NAV3: variants seen among roughly 807,000 people sequenced by gnomAD.
NAV3 encodes neuron navigator 3.
In NAV3, 87 loss-of-function variants were observed where a neutral mutation model predicts 244.7. The observed-to-expected ratio is 0.36, with a 90% confidence interval of 0.30 to 0.42. The LOEUF (loss-of-function observed/expected upper bound fraction) is 0.42. Among genes scored for constraint, NAV3 ranks in the 20% least tolerant of loss-of-function variants. The probability of loss-of-function intolerance (pLI) is 1.00; values close to 1 mark genes in which losing one functional copy is unlikely to be tolerated. For synonymous variants in NAV3, 1,126 were observed against 1,042.2 expected, an observed-to-expected ratio of 1.08 and a Z score of -1.55; for missense variants, 2,663 against 2,893.3, an observed-to-expected ratio of 0.92 and a Z score of 1.83.
intron 1 of NAV3, among the ~76,000 whole-genome samples, chr12:77,904,397 A>G (rs1885707988): frequency 6.6e-6 from 1 of 152,276 alleles, no homozygotes; most frequent in South Asian, 2.1e-4. Context: ...CGCAAGGACA[A>G]AAAACCAAAC....
intron 2 of NAV3, 84 bp from the exon 3 acceptor site, chr12:77,940,997 T>G: frequency 1.1e-6 from 1 of 876,606 alleles, no homozygotes; most frequent in Admixed American, 2.4e-5. Flanking sequence ...ATTTTTTTTT[T>G]CCTGTTTTCG....
intron 8 of NAV3, among the ~76,000 whole-genome samples, chr12:78,015,494 AT>A (rs34665457): frequency 2.6e-5 from 4 of 151,640 alleles, no homozygotes; most frequent in East Asian, 1.9e-4. Flanking sequence ...TATTAAATGT[AT>A]TTTTTTTGTC....
At chr12:77,665,105 T>C (rs1485486532) in intron 2 of NAV3, among the ~76,000 whole-genome samples, 1 of 152,196 alleles carries the variant, frequency 6.6e-6, no homozygotes, top group South Asian at 2.1e-4. Context: ...AGAGTTGTAA[T>C]TTATATCAAC....
At chr12:78,010,377 T>G (rs1875056594) in intron 8 of NAV3, among the ~76,000 whole-genome samples, 1 of 152,212 alleles carries the variant, frequency 6.6e-6, no homozygotes, top group South Asian at 2.1e-4. Context: ...ATAATTTACT[T>G]TTTGATGTTG....
chr12:77,925,680 A>T (rs896645687), intron 1 of NAV3, among the ~76,000 whole-genome samples: 2 of 152,090 alleles, frequency 1.3e-5, no homozygotes, highest in Non-Finnish European at 2.9e-5. Flanking sequence ...CTGTTAGCCG[A>T]TGGTCTTGCA....
intron 7 of NAV3, among the ~76,000 whole-genome samples, chr12:78,001,355 T>G (rs542907952): frequency 1.3e-5 from 2 of 152,360 alleles, no homozygotes; most frequent in East Asian, 3.9e-4. Context: ...GTTCCTCGAA[T>G]GCTTTTAAGT....
chr12:78,117,929 T>C (rs557958786), intron 13 of NAV3, 98 bp from the exon 14 acceptor site: 7 of 1,171,176 alleles, frequency 6.0e-6, no homozygotes, highest in Admixed American at 2.7e-5. Context: ...ATAGAATCTT[T>C]GGATTTATCC....
At chr12:78,030,118 T>C (rs1438289618) in intron 9 of NAV3, among the ~76,000 whole-genome samples, 1 of 152,210 alleles carries the variant, frequency 6.6e-6, no homozygotes, top group Admixed American at 6.5e-5. Flanking sequence ...TAGGCAAATA[T>C]TCCAAAATCT....
intron 2 of NAV3, among the ~76,000 whole-genome samples, chr12:77,619,290 A>T (rs1420020156): frequency 6.6e-6 from 1 of 152,226 alleles, no homozygotes; most frequent in Admixed American, 6.5e-5. Context: ...TATTTAAAAA[A>T]TAACTTATGT....
chr12:77,878,498 G>A (rs1438049179), intron 1 of NAV3, among the ~76,000 whole-genome samples: 1 of 151,904 alleles, frequency 6.6e-6, no homozygotes, highest in Non-Finnish European at 1.5e-5. Flanking sequence ...CAAAGTGCTG[G>A]GGTTACAGGC....
At chr12:77,800,393 T>C (rs1348404423) in intron 2 of NAV3, among the ~76,000 whole-genome samples, 9 of 152,210 alleles carry the variant, frequency 5.9e-5, no homozygotes, top group Admixed American at 5.9e-4. Context: ...AAAGTGTTTT[T>C]TCCTATAGTG....
intron 2 of NAV3, among the ~76,000 whole-genome samples, chr12:77,589,349 G>A (rs956946382): frequency 1.8e-5 from 2 of 111,868 alleles, no homozygotes; most frequent in Admixed American, 1.9e-4. Flanking sequence ...ACATTTTCAA[G>A]TATCTTTATA....
intron 2 of NAV3, among the ~76,000 whole-genome samples, chr12:77,767,147 T>C (rs1869819819): frequency 6.6e-6 from 1 of 152,082 alleles, no homozygotes. Flanking sequence ...ACTTGTATGA[T>C]AGTTTTGTAT....
At chr12:78,112,025 G>A (rs889764101) in intron 12 of NAV3, among the ~76,000 whole-genome samples, 2 of 152,152 alleles carry the variant, frequency 1.3e-5, no homozygotes, top group African/African-American at 2.4e-5. Context: ...ATAGTAGAAG[G>A]TTCTCATTTA....
chr12:77,624,253 A>G (rs544318190), intron 2 of NAV3, among the ~76,000 whole-genome samples: 2 of 152,348 alleles, frequency 1.3e-5, no homozygotes, highest in South Asian at 4.1e-4. Flanking sequence ...CAGTAGAGCA[A>G]TCACTCAGTG....
At chr12:78,125,423 G>A (rs528352511) in intron 16 of NAV3, among the ~76,000 whole-genome samples, 3 of 152,210 alleles carry the variant, frequency 2.0e-5, no homozygotes, top group Middle Eastern at 3.4e-3. Context: ...TTCTGCAGCT[G>A]CTCTAGGTCA....
chr12:77,795,901 T>G (rs1345534673), intron 2 of NAV3, among the ~76,000 whole-genome samples: 2 of 152,192 alleles, frequency 1.3e-5, no homozygotes, highest in Non-Finnish European at 2.9e-5. Context: ...GGGGACCTAC[T>G]GCTTGGAAAG....
At chr12:77,846,068 G>T (rs1257787251) in intron 1 of NAV3, among the ~76,000 whole-genome samples, 5 of 152,180 alleles carry the variant, frequency 3.3e-5, no homozygotes. Context: ...AATTCCGGAT[G>T]AACGAAGATT....
intron 2 of NAV3, among the ~76,000 whole-genome samples, chr12:77,662,217 ATATCTATCTGTCTATC>A (rs1215698317): frequency 5.7e-5 from 6 of 105,734 alleles, no homozygotes; most frequent in African/African-American, 1.4e-4. Flanking sequence ...ATATATCTTC[ATATCTATCTGTCTATC>A]TATCTATCTA....
Sources: gnomAD v4.1 joint callset for allele counts (sites outside exome capture counted in the v4.1 genomes callset) on GRCh38, gnomAD v4.1.1 for gene constraint, MANE v1.5 for transcripts, NCBI Gene and HGNC (gene_info 2026-07-23, HGNC 2026-07-21) for gene names.